LHFPL3: variants seen among roughly 807,000 people sequenced by gnomAD.
The protein encoded by LHFPL3 is LHFPL tetraspan subfamily member 3 protein.
Under a neutral mutation model 19.3 loss-of-function variants are expected in LHFPL3, and 5 were observed. The ratio of observed to expected loss-of-function variants is 0.26; its 90% CI spans 0.14 to 0.54. LHFPL3 has a LOEUF of 0.54. Among genes scored for constraint, LHFPL3 ranks in the 20% least tolerant of loss-of-function variants. The probability of loss-of-function intolerance (pLI) is 0.94; values close to 1 mark genes in which losing one functional copy is unlikely to be tolerated. For missense variants in LHFPL3, 249 were observed against 307.4 expected (o/e 0.81, Z 1.42); for synonymous variants, 133 against 126.2 (o/e 1.05, Z -0.36).
intron 1 of LHFPL3, among the ~76,000 whole-genome samples, chr7:104,481,902 G>A (rs972722091): frequency 6.6e-6 from 1 of 152,154 alleles, no homozygotes; most frequent in Non-Finnish European, 1.5e-5. Flanking sequence ...ATATGCTACT[G>A]TGTGGTAACA....
intron 1 of LHFPL3, among the ~76,000 whole-genome samples, chr7:104,525,872 T>G (rs1794178391): frequency 6.6e-6 from 1 of 152,128 alleles, no homozygotes. Flanking sequence ...CCCAAAGTGC[T>G]TGGATTACAG....
At chr7:104,561,228 G>C (rs530418681) in intron 1 of LHFPL3, among the ~76,000 whole-genome samples, 2 of 149,706 alleles carry the variant, frequency 1.3e-5, no homozygotes, top group South Asian at 2.1e-4. Context: ...TTCAATTCCT[G>C]GGTATCCTTG....
intron 1 of LHFPL3, among the ~76,000 whole-genome samples, chr7:104,348,504 C>G (rs1790114783): frequency 6.6e-6 from 1 of 152,202 alleles, no homozygotes; most frequent in African/African-American, 2.4e-5. Context: ...TTCTAAATGG[C>G]TTACCTTGAC....
At chr7:104,747,902 A>T (rs1421792521) in intron 2 of LHFPL3, among the ~76,000 whole-genome samples, 1 of 152,172 alleles carries the variant, frequency 6.6e-6, no homozygotes, top group Non-Finnish European at 1.5e-5. Flanking sequence ...TTCTTCAATT[A>T]ATAAATTGTA....
chr7:104,634,269 G>A (rs1358448840), intron 1 of LHFPL3, among the ~76,000 whole-genome samples: 1 of 152,160 alleles, frequency 6.6e-6, no homozygotes, highest in Non-Finnish European at 1.5e-5. Context: ...TCTGGAGGCT[G>A]GAAGTCTGAC....
intron 1 of LHFPL3, among the ~76,000 whole-genome samples, chr7:104,383,573 A>G (rs1199542530): frequency 1.3e-5 from 2 of 152,234 alleles, no homozygotes; most frequent in African/African-American, 2.4e-5. Flanking sequence ...AGGTGATCCT[A>G]TAAAGGAGCT....
At chr7:104,388,075 A>G (rs1790985190) in intron 1 of LHFPL3, among the ~76,000 whole-genome samples, 1 of 152,100 alleles carries the variant, frequency 6.6e-6, no homozygotes, top group Admixed American at 6.6e-5. Context: ...TCTTAGCATA[A>G]TGGCTTCCAG....
intron 1 of LHFPL3, among the ~76,000 whole-genome samples, chr7:104,338,140 C>G (rs1443623144): frequency 7.4e-6 from 1 of 135,356 alleles, no homozygotes; most frequent in African/African-American, 2.7e-5. Context: ...GCTCTGTCAC[C>G]CAGGCTGGAG....
chr7:104,477,595 G>C (rs767087609), intron 1 of LHFPL3, among the ~76,000 whole-genome samples: 1 of 152,076 alleles, frequency 6.6e-6, no homozygotes, highest in Non-Finnish European at 1.5e-5. Flanking sequence ...CGGGCCTTTC[G>C]GAGGGTGGAG....
chr7:104,539,770 A>G (rs1342879105), intron 1 of LHFPL3, among the ~76,000 whole-genome samples: 1 of 152,236 alleles, frequency 6.6e-6, no homozygotes, highest in Admixed American at 6.5e-5. Flanking sequence ...ACCTGAGATT[A>G]TGCTCTTTTC....
intron 1 of LHFPL3, among the ~76,000 whole-genome samples, chr7:104,647,406 G>A (rs1791953433): frequency 6.6e-6 from 1 of 152,200 alleles, no homozygotes; most frequent in Non-Finnish European, 1.5e-5. Flanking sequence ...AGCCTCTGAG[G>A]AAATATAATG....
intron 1 of LHFPL3, among the ~76,000 whole-genome samples, chr7:104,655,831 A>G (rs931969015): frequency 2.0e-5 from 3 of 152,242 alleles, no homozygotes; most frequent in African/African-American, 4.8e-5. Context: ...TCTGGTGTTA[A>G]ACAAAATAAC....
intron 2 of LHFPL3, among the ~76,000 whole-genome samples, chr7:104,816,184 C>A (rs1385399172): frequency 2.0e-5 from 3 of 152,200 alleles, no homozygotes; most frequent in African/African-American, 7.2e-5. Context: ...TGTTTTACAG[C>A]AACAGCATTT....
chr7:104,568,569 A>G (rs1399351016), intron 1 of LHFPL3, among the ~76,000 whole-genome samples: 1 of 152,148 alleles, frequency 6.6e-6, no homozygotes, highest in Non-Finnish European at 1.5e-5. Flanking sequence ...TGTTCTTTCC[A>G]TTATCCCAGA....
At chr7:104,864,335 G>A (rs1791676080) in intron 2 of LHFPL3, among the ~76,000 whole-genome samples, 1 of 151,048 alleles carries the variant, frequency 6.6e-6, no homozygotes, top group Non-Finnish European at 1.5e-5. Flanking sequence ...CCCAGGAAGT[G>A]CAAGGGGTCA....
At chr7:104,786,385 C>T (rs1584533455) in intron 2 of LHFPL3, 2 of 152,312 alleles carry the variant, frequency 1.3e-5, no homozygotes, top group East Asian at 1.9e-4. Context: ...AGAATACCAC[C>T]TACCTCATAG....
chr7:104,866,392 A>T (rs1000492824), intron 2 of LHFPL3, among the ~76,000 whole-genome samples: 6 of 152,216 alleles, frequency 3.9e-5, no homozygotes, highest in Non-Finnish European at 7.3e-5. Flanking sequence ...TCTACCAAGC[A>T]AATGGAAAAC....
intron 1 of LHFPL3, among the ~76,000 whole-genome samples, chr7:104,567,306 A>G (rs1790141871): frequency 6.6e-6 from 1 of 152,222 alleles, no homozygotes; most frequent in African/African-American, 2.4e-5. Context: ...GAGCCATTTT[A>G]GGCCCCCTAG....
chr7:104,435,173 T>C (rs1167533326), intron 1 of LHFPL3, among the ~76,000 whole-genome samples: 4 of 152,124 alleles, frequency 2.6e-5, no homozygotes, highest in African/African-American at 9.7e-5. Flanking sequence ...GACAGGTTCT[T>C]GCTCTGTAAC....
Sources: gnomAD v4.1 joint callset for allele counts (sites outside exome capture counted in the v4.1 genomes callset) on GRCh38, gnomAD v4.1.1 for gene constraint, MANE v1.5 for transcripts, NCBI Gene and HGNC (gene_info 2026-07-23, HGNC 2026-07-21) for gene names.